NAV2: variants seen among roughly 807,000 people sequenced by gnomAD.
NAV2 encodes neuron navigator 2.
A neutral mutation model predicts 223.2 loss-of-function variants in NAV2; 54 were observed. The ratio of observed to expected loss-of-function variants is 0.24; its 90% CI spans 0.19 to 0.30. The LOEUF is 0.30. NAV2 is among the 10% of genes least tolerant of loss of function. The pLI is 1.00. For missense variants in NAV2, 2,806 were observed against 3,147.5 expected, an observed-to-expected ratio of 0.89 and a Z score of 2.60; for synonymous variants, 1,279 against 1,239.3, an observed-to-expected ratio of 1.03 and a Z score of -0.67.
At chr11:19,897,651 A>T (rs1438114424) in intron 6 of NAV2, among the ~76,000 whole-genome samples, 1 of 152,098 alleles carries the variant, frequency 6.6e-6, no homozygotes, top group Non-Finnish European at 1.5e-5. Flanking sequence ...GACCAAGTAC[A>T]CAGTTCATGT....
At chr11:19,587,798 A>G (rs2045947219) in intron 1 of NAV2, among the ~76,000 whole-genome samples, 1 of 152,224 alleles carries the variant, frequency 6.6e-6, no homozygotes, top group Non-Finnish European at 1.5e-5. Flanking sequence ...AAGGTACCAC[A>G]ATGTATAAAG....
At chr11:19,516,894 G>A (rs1005352788) in intron 1 of NAV2, among the ~76,000 whole-genome samples, 3 of 152,138 alleles carry the variant, frequency 2.0e-5, no homozygotes, top group African/African-American at 4.8e-5. Context: ...AATGGTAGAT[G>A]AAGTTATTAA....
chr11:19,906,409 C>T lies in NAV2; in HGVS notation c.931+13815C>T, dbSNP rs142499294. 1.3e-3 allele frequency among the ~76,000 whole-genome samples: 201 copies of T among 152,244 alleles called. 1 individual carries two copies. The highest frequency in any genetic ancestry group is 2.0e-3 in the Admixed American group (31 of 15,288). On this transcript the variant is annotated intron_variant, in intron 6 of 37. Coordinates refer to ENST00000349880, the MANE Select transcript of NAV2 (RefSeq NM_145117.5). ...GGAGCTGCAAAGTCACATTGCAAAG[C>T]GTACATGGCACAGAGAGGGGTGGAC...
At chr11:19,362,939 T>C (rs1854041390) in intron 1 of NAV2, among the ~76,000 whole-genome samples, 1 of 152,244 alleles carries the variant, frequency 6.6e-6, no homozygotes, top group Non-Finnish European at 1.5e-5. Context: ...ACGTTTTGTA[T>C]ATCAGACACT....
intron 29 of NAV2, among the ~76,000 whole-genome samples, chr11:20,093,886 G>C (rs1238200281): frequency 6.6e-6 from 1 of 152,156 alleles, no homozygotes. Context: ...TTGAATGACT[G>C]TTTCTCGAAT....
At chr11:19,948,625 A>G in intron 9 of NAV2, 66 bp from the exon 10 acceptor site, 2 of 1,447,704 alleles carry the variant, frequency 1.4e-6, no homozygotes, top group Non-Finnish European at 1.8e-6. Flanking sequence ...TAAATAATTA[A>G]AGAACATATA....
chr11:19,631,811 C>T (rs960240738), intron 1 of NAV2, among the ~76,000 whole-genome samples: 5 of 152,208 alleles, frequency 3.3e-5, no homozygotes, highest in East Asian at 1.9e-4. Flanking sequence ...GTTTGCAATC[C>T]GAGGGCAAGG....
intron 18 of NAV2, among the ~76,000 whole-genome samples, chr11:20,055,305 T>C (rs2058295209): frequency 6.6e-6 from 1 of 152,176 alleles, no homozygotes; most frequent in South Asian, 2.1e-4. Flanking sequence ...TATATACCAT[T>C]ATTAAATGTC....
intron 1 of NAV2, among the ~76,000 whole-genome samples, chr11:19,698,276 T>G (rs1415394227): frequency 6.6e-6 from 1 of 152,204 alleles, no homozygotes; most frequent in African/African-American, 2.4e-5. Context: ...TTTGCAGCTT[T>G]GTTTTAAGCA....
chr11:19,691,292 G>T (rs1229062157), intron 1 of NAV2, among the ~76,000 whole-genome samples: 1 of 151,752 alleles, frequency 6.6e-6, no homozygotes, highest in Non-Finnish European at 1.5e-5. Context: ...TATAGCAAAT[G>T]AAATCATTTA....
At chr11:19,565,871 G>T (rs1415445849) in intron 1 of NAV2, among the ~76,000 whole-genome samples, 3 of 152,100 alleles carry the variant, frequency 2.0e-5, no homozygotes, top group Admixed American at 6.5e-5. Flanking sequence ...GCTCGATGTG[G>T]CCTGGCATCC....
At chr11:19,362,871 A>G (rs1335271831) in intron 1 of NAV2, among the ~76,000 whole-genome samples, 1 of 152,202 alleles carries the variant, frequency 6.6e-6, no homozygotes, top group African/African-American at 2.4e-5. Context: ...ATTAGTTGTT[A>G]TTTGTTTATC....
chr11:19,908,801 A>C (rs1246694542), intron 6 of NAV2, among the ~76,000 whole-genome samples: 4 of 152,104 alleles, frequency 2.6e-5, no homozygotes, highest in Admixed American at 2.6e-4. Flanking sequence ...TTTATATGAA[A>C]TCTCCAGAGT....
At chr11:19,499,329 T>C (rs2042892289) in intron 1 of NAV2, among the ~76,000 whole-genome samples, 2 of 152,264 alleles carry the variant, frequency 1.3e-5, no homozygotes, top group African/African-American at 4.8e-5. Flanking sequence ...TTGTTGTTGT[T>C]GTTTTTAAAG....
chr11:19,994,061 C>T (rs546465969), intron 11 of NAV2, among the ~76,000 whole-genome samples: 22 of 152,278 alleles, frequency 1.4e-4, no homozygotes, highest in Middle Eastern at 3.4e-3. Context: ...CCAGAAGCAT[C>T]GGGGACTGCA....
At position 19,914,631 on chromosome 11, in the gene NAV2, G is replaced by C. The variant is rs59719166; in HGVS notation, c.932-18545G>C. Reference sequence around the variant, plus strand: ...GCAATCTCGGCTCACTGCAAGCTCCGCTTCCCGGGTTCACGCCATTCTCCT... The same window carrying C: ...GCAATCTCGGCTCACTGCAAGCTCCCCTTCCCGGGTTCACGCCATTCTCCT... On this transcript the variant is annotated intron_variant, in intron 6 of 37. Coordinates refer to ENST00000349880, the MANE Select transcript of NAV2 (RefSeq NM_145117.5). Among the ~76,000 whole-genome samples the C allele has an allele frequency of 5.0e-3, 760 of 150,642 alleles. 11 individuals are homozygous for C. Among genetic ancestry groups the C allele is most frequent in the African/African-American group, 0.017 (714 of 41,026 alleles).
chr11:19,465,851 T>C (rs1332544533), intron 1 of NAV2, among the ~76,000 whole-genome samples: 1 of 152,264 alleles, frequency 6.6e-6, no homozygotes, highest in African/African-American at 2.4e-5. Context: ...CTTTGCTCTT[T>C]CTAATATTTT....
intron 1 of NAV2, among the ~76,000 whole-genome samples, chr11:19,546,093 A>G (rs943063148): frequency 1.9e-4 from 29 of 152,174 alleles, no homozygotes; most frequent in African/African-American, 6.3e-4. Context: ...GCTCAATTTT[A>G]AAACCAAGCA....
chr11:20,095,794 G>C (rs748052662), intron 30 of NAV2, 27 bp downstream of exon 30: 33 of 1,545,742 alleles, frequency 2.1e-5, no homozygotes, highest in Non-Finnish European at 2.8e-5. Flanking sequence ...AACGGCTACA[G>C]CATACTACCT....
Sources: allele counts gnomAD v4.1 joint callset (sites outside exome capture counted in the v4.1 genomes callset), GRCh38; gene constraint gnomAD v4.1.1; transcripts MANE v1.5; gene names NCBI Gene and HGNC (gene_info 2026-07-23, HGNC 2026-07-21).